DDX10: variants seen among roughly 807,000 people sequenced by gnomAD.
DDX10 encodes the protein probable ATP-dependent RNA helicase DDX10.
A neutral mutation model predicts 104.3 loss-of-function variants in DDX10; 74 were observed. The observed-to-expected ratio is 0.71, with a 90% CI of 0.59 to 0.86. The LOEUF is 0.86. Among genes scored for constraint, DDX10 ranks in the 40% least tolerant of loss-of-function variants. DDX10 has a pLI of 0.00. For synonymous variants in DDX10, 351 were observed against 353.4 expected (o/e 0.99, Z 0.08); for missense variants, 952 against 1,040.0 (o/e 0.92, Z 1.16).
intron 16 of DDX10, among the ~76,000 whole-genome samples, chr11:108,865,044 T>G (rs1862990681): frequency 6.6e-6 from 1 of 152,166 alleles, no homozygotes; most frequent in East Asian, 1.9e-4. Context: ...GCCAAGAGCC[T>G]TGTAAAACAC....
rs1212064261 is a variant in DDX10, at chr11:108,736,475, G to C, written c.1965+13013G>C. On this transcript the variant is annotated intron_variant, in intron 13 of 17. Transcript: ENST00000322536. ...GATACCACCGAAGTTGAAATGTGAGGGTTCCTTGATTCTTTTTGGTATTGG... is the reference window on the plus strand; with the variant it reads ...GATACCACCGAAGTTGAAATGTGAGCGTTCCTTGATTCTTTTTGGTATTGG... Among the ~76,000 whole-genome samples the C allele has an allele frequency of 2.0e-5, 3 of 152,084 alleles. No homozygotes were observed. In the East Asian group the frequency reaches 5.8e-4, roughly 29 times the overall value.
chr11:108,905,310 TAA>T (rs66553492), intron 16 of DDX10, among the ~76,000 whole-genome samples: 26,440 of 114,676 alleles, frequency 0.23, 3,763 homozygotes, highest in East Asian at 0.39. Context: ...TTAGATTGTT[TAA>T]GGGGGGGGGG....
At chr11:108,887,939 G>C (rs528442121) in intron 16 of DDX10, among the ~76,000 whole-genome samples, 1 of 120,218 alleles carries the variant, frequency 8.3e-6, no homozygotes, top group Non-Finnish European at 1.7e-5. Context: ...AAAGAAAAAA[G>C]AAAAGAAATA....
At chr11:108,712,611 T>G (rs2094285939) in intron 10 of DDX10, among the ~76,000 whole-genome samples, 1 of 152,170 alleles carries the variant, frequency 6.6e-6, no homozygotes, top group Non-Finnish European at 1.5e-5. Context: ...ATCATTGATG[T>G]CATTCATTTC....
At chr11:108,716,868 C>G (rs1309036473) in intron 11 of DDX10, among the ~76,000 whole-genome samples, 1 of 151,830 alleles carries the variant, frequency 6.6e-6, no homozygotes, top group Non-Finnish European at 1.5e-5. Flanking sequence ...ATGAAGCTAA[C>G]TAGCATAGGT....
chr11:108,827,832 A>G (rs1481243668), intron 13 of DDX10, among the ~76,000 whole-genome samples: 1 of 152,232 alleles, frequency 6.6e-6, no homozygotes, highest in Non-Finnish European at 1.5e-5. Context: ...TTCTGAAAAG[A>G]CAAACTTTGT....
At chr11:108,794,325 C>T (rs1462545070) in intron 13 of DDX10, among the ~76,000 whole-genome samples, 2 of 151,720 alleles carry the variant, frequency 1.3e-5, no homozygotes, top group Non-Finnish European at 2.9e-5. Flanking sequence ...GTTATGTAAT[C>T]TTTGAATAAG....
At chr11:108,807,895 T>C (rs1862122004) in intron 13 of DDX10, among the ~76,000 whole-genome samples, 1 of 152,176 alleles carries the variant, frequency 6.6e-6, no homozygotes, top group Non-Finnish European at 1.5e-5. Flanking sequence ...GGAAAAGAGA[T>C]GGATCCATAG....
At chr11:108,788,362 T>A (rs1861823657) in intron 13 of DDX10, among the ~76,000 whole-genome samples, 1 of 148,384 alleles carries the variant, frequency 6.7e-6, no homozygotes, top group African/African-American at 2.5e-5. Flanking sequence ...TGTAGCTAGA[T>A]TTTTTTTTTT....
intron 14 of DDX10, 124 bp downstream of exon 14, chr11:108,838,689 C>G: frequency 9.1e-7 from 1 of 1,104,732 alleles, no homozygotes; most frequent in Non-Finnish European, 1.3e-6. Context: ...TGGGCCATTC[C>G]TTTCACTGTT....
At chr11:108,814,334 A>AT (rs537293474) in intron 13 of DDX10, among the ~76,000 whole-genome samples, 11 of 151,914 alleles carry the variant, frequency 7.2e-5, no homozygotes, top group Non-Finnish European at 7.4e-5. Context: ...TAACCATGCC[A>AT]TTTTTTTCAT....
chr11:108,786,742 C>T (rs1861799983), intron 13 of DDX10, among the ~76,000 whole-genome samples: 1 of 152,178 alleles, frequency 6.6e-6, no homozygotes, highest in Non-Finnish European at 1.5e-5. Context: ...TGTGTCATTA[C>T]ATGTGAGATC....
chr11:108,879,994 A>C (rs919470309), intron 16 of DDX10, among the ~76,000 whole-genome samples: 1 of 152,208 alleles, frequency 6.6e-6, no homozygotes, highest in Non-Finnish European at 1.5e-5. Context: ...TGGATCCTTG[A>C]AGACTAGTTT....
chr11:108,743,375 G>A (rs74507729), intron 13 of DDX10, among the ~76,000 whole-genome samples: 2,992 of 152,022 alleles, frequency 0.02, 34 homozygotes, highest in Non-Finnish European at 0.029. Context: ...AGGAATAAAC[G>A]TCAAAATAAT....
At position 108,677,208 on chromosome 11, in the gene DDX10, C is replaced by T; in HGVS notation, c.502C>T (p.His168Tyr). The change falls in exon 4 of 18, where the codon CAT becomes TAT. Residue 168 changes from histidine (H) to tyrosine (Y), a missense_variant. Coordinates refer to ENST00000322536, the MANE Select transcript of DDX10 (RefSeq NM_004398.4). ...FEVLRKVGKN[H>Y]DFSAGLIIGG... ...GGTTCTCCGAAAAGTAGGAAAGAATCATGACTTCTCAGCTGGTCTCATCAT... is the reference window on the plus strand; with the variant it reads ...GGTTCTCCGAAAAGTAGGAAAGAATTATGACTTCTCAGCTGGTCTCATCAT... 6.2e-7 allele frequency: 1 copy of T among 1,613,900 alleles called. No individual in the cohort carries two copies. The highest frequency in any genetic ancestry group is 8.5e-7 in the Non-Finnish European group (1 of 1,179,910).
At chr11:108,904,125 T>G (rs1187644636) in intron 16 of DDX10, among the ~76,000 whole-genome samples, 1 of 152,172 alleles carries the variant, frequency 6.6e-6, no homozygotes, top group Non-Finnish European at 1.5e-5. Context: ...GATTTTTCTT[T>G]TTATAAATGG....
intron 6 of DDX10, among the ~76,000 whole-genome samples, chr11:108,684,060 C>T (rs1180250187): frequency 6.9e-6 from 1 of 144,242 alleles, no homozygotes; most frequent in Non-Finnish European, 1.5e-5. Flanking sequence ...AAGTTATTAT[C>T]TTGATTCTTC....
At chr11:108,757,466 C>T (rs984235578) in intron 13 of DDX10, among the ~76,000 whole-genome samples, 1 of 152,012 alleles carries the variant, frequency 6.6e-6, no homozygotes, top group Non-Finnish European at 1.5e-5. Context: ...ATGATAATTT[C>T]CATACTTATC....
chr11:108,879,759 C>T (rs1259192237), intron 16 of DDX10, among the ~76,000 whole-genome samples: 1 of 152,128 alleles, frequency 6.6e-6, no homozygotes, highest in Non-Finnish European at 1.5e-5. Flanking sequence ...CAAAATTTTA[C>T]TAATAAAAAA....
Sources: gnomAD v4.1 joint callset for allele counts (sites outside exome capture counted in the v4.1 genomes callset) on GRCh38, gnomAD v4.1.1 for gene constraint, MANE v1.5 for transcripts, NCBI Gene and HGNC (gene_info 2026-07-23, HGNC 2026-07-21) for gene names.